Variants in ARSJ observed in about 807,000 individuals in gnomAD.
The protein encoded by ARSJ is arylsulfatase J.
A neutral mutation model predicts 35.9 loss-of-function variants in ARSJ; 26 were observed. The ratio of observed to expected loss-of-function variants is 0.72; its 90% CI spans 0.53 to 1.00. The LOEUF is 1.00. Ranked by LOEUF, ARSJ falls within the 50% of genes least tolerant of loss-of-function variation. ARSJ has a pLI of 0.00. For synonymous variants in ARSJ, 294 were observed against 267.6 expected (o/e 1.10, Z -0.96); for missense variants, 667 against 723.6 (o/e 0.92, Z 0.90).
At chr4:113,942,752 G>A (rs1424023558) in intron 1 of ARSJ, among the ~76,000 whole-genome samples, 1 of 151,982 alleles carries the variant, frequency 6.6e-6, no homozygotes. Flanking sequence ...ATGGAAAAGT[G>A]ATTTTAAAAT....
chr4:113,950,295 C>T (rs1412948291), intron 1 of ARSJ, among the ~76,000 whole-genome samples: 1 of 152,058 alleles, frequency 6.6e-6, no homozygotes, highest in Non-Finnish European at 1.5e-5. Flanking sequence ...TAACCCTCCC[C>T]CTTCCTTTTA....
chr4:113,942,215 C>T (rs755517781), intron 1 of ARSJ, among the ~76,000 whole-genome samples: 54 of 151,900 alleles, frequency 3.6e-4, no homozygotes, highest in Non-Finnish European at 5.9e-5. Context: ...TATAAACTAC[C>T]TTAATAGCAT....
At chr4:113,962,042 A>T (rs1297079061) in intron 1 of ARSJ, among the ~76,000 whole-genome samples, 1 of 151,842 alleles carries the variant, frequency 6.6e-6, no homozygotes, top group Non-Finnish European at 1.5e-5. Context: ...CTTTCTGTTG[A>T]TTTCTTTTAA....
intron 1 of ARSJ, among the ~76,000 whole-genome samples, chr4:113,960,973 GA>G (rs1165125536): frequency 6.6e-6 from 1 of 152,062 alleles, no homozygotes; most frequent in Non-Finnish European, 1.5e-5. Flanking sequence ...CATTGAAAAA[GA>G]GTTTGAAAAA....
chr4:113,920,953 A>T (rs1007883426), intron 1 of ARSJ, among the ~76,000 whole-genome samples: 2 of 152,130 alleles, frequency 1.3e-5, no homozygotes, highest in Non-Finnish European at 2.9e-5. Flanking sequence ...TAATAATAAC[A>T]GACTGGAACA....
At chr4:113,945,401 G>C (rs1214831636) in intron 1 of ARSJ, among the ~76,000 whole-genome samples, 1 of 152,122 alleles carries the variant, frequency 6.6e-6, no homozygotes, top group African/African-American at 2.4e-5. Flanking sequence ...GCCTCCTAAA[G>C]TGCTGGAATT....
chr4:113,949,923 C>T (rs1013214389), intron 1 of ARSJ, among the ~76,000 whole-genome samples: 4 of 152,002 alleles, frequency 2.6e-5, no homozygotes. Flanking sequence ...GTTTGTCTTC[C>T]CCTTAATTTT....
chr4:113,908,134 C>A (rs1177111496), intron 1 of ARSJ, among the ~76,000 whole-genome samples: 1 of 152,050 alleles, frequency 6.6e-6, no homozygotes, highest in Non-Finnish European at 1.5e-5. Flanking sequence ...GGAGACATGA[C>A]AATTAAATGC....
At position 113,976,302 on chromosome 4, in the gene ARSJ, G is replaced by GT. The variant is rs796602670; in HGVS notation, c.398+2134dup. 1.7e-4 allele frequency among the ~76,000 whole-genome samples: 25 copies of GT among 151,236 alleles called. No homozygotes were observed. The South Asian group carries it at 3.4e-3, about 20-fold the overall frequency. On this transcript the variant is annotated intron_variant, in intron 1 of 1. Transcript: ENST00000315366. ...CCTTAAAATAGTTTAGTTCATTTCAGTTTTTTTTTATGGCTTCCTTTTTTA... is the reference window on the plus strand; with the variant it reads ...CCTTAAAATAGTTTAGTTCATTTCAGTTTTTTTTTTATGGCTTCCTTTTTTA...
intron 1 of ARSJ, among the ~76,000 whole-genome samples, chr4:113,952,037 G>A (rs1725893250): frequency 6.6e-6 from 1 of 151,880 alleles, no homozygotes; most frequent in Admixed American, 6.6e-5. Flanking sequence ...CCCGGATTTT[G>A]CATGCTGGAA....
intron 1 of ARSJ, among the ~76,000 whole-genome samples, chr4:113,952,189 CCT>C (rs1307129135): frequency 2.0e-5 from 3 of 152,010 alleles, no homozygotes; most frequent in African/African-American, 7.2e-5. Context: ...CTCATCTCAG[CCT>C]CTCAAGTAGC....
intron 1 of ARSJ, among the ~76,000 whole-genome samples, chr4:113,967,493 T>A (rs187161280): frequency 1.7e-3 from 258 of 152,268 alleles, no homozygotes; most frequent in South Asian, 4.8e-3. Flanking sequence ...AAGAATGGTC[T>A]TTTAAGTTCC....
At chr4:113,949,428 A>G (rs1005027827) in intron 1 of ARSJ, among the ~76,000 whole-genome samples, 1 of 152,076 alleles carries the variant, frequency 6.6e-6, no homozygotes, top group African/African-American at 2.4e-5. Context: ...GGTGAGTACC[A>G]GAGACTATCT....
chr4:113,907,391 A>C (rs554865901), intron 1 of ARSJ, among the ~76,000 whole-genome samples: 8 of 152,222 alleles, frequency 5.3e-5, no homozygotes, highest in Non-Finnish European at 1.2e-4. Context: ...TAAATAGCTT[A>C]GGAATGATTT....
intron 1 of ARSJ, among the ~76,000 whole-genome samples, chr4:113,907,275 A>G (rs535227297): frequency 6.6e-6 from 1 of 152,228 alleles, no homozygotes; most frequent in East Asian, 1.9e-4. Context: ...TTTTTAAAGT[A>G]TGTGATTTGT....
chr4:113,974,677 G>A lies in ARSJ; in HGVS notation c.398+3760C>T, dbSNP rs1382040226. 2.0e-5 allele frequency among the ~76,000 whole-genome samples: 3 copies of A among 152,108 alleles called. No homozygotes were observed. In the East Asian group the frequency reaches 5.8e-4, roughly 29 times the overall value. On this transcript the variant is annotated intron_variant, in intron 1 of 1. Coordinates refer to ENST00000315366, the MANE Select transcript of ARSJ (RefSeq NM_024590.4). The stretch of plus-strand genomic sequence containing the variant: ...ATGAAAAAAGATAATACTAAATGTT[G>A]ACAAAGATGTGAAACAAGTAGAACA...
chr4:113,929,092 A>C (rs1724263990), intron 1 of ARSJ, among the ~76,000 whole-genome samples: 1 of 152,114 alleles, frequency 6.6e-6, no homozygotes, highest in African/African-American at 2.4e-5. Context: ...ATTTAGCCTG[A>C]TCCAACTCTA....
intron 1 of ARSJ, among the ~76,000 whole-genome samples, chr4:113,965,698 AT>A (rs1303849456): frequency 1.3e-5 from 2 of 152,138 alleles, no homozygotes; most frequent in African/African-American, 4.8e-5. Flanking sequence ...TTAAATTGCT[AT>A]TAACAAGACT....
intron 1 of ARSJ, among the ~76,000 whole-genome samples, chr4:113,921,082 TACACACACACACACAC>T (rs746326993): frequency 1.5e-5 from 2 of 129,668 alleles, no homozygotes; most frequent in Non-Finnish European, 3.4e-5. Flanking sequence ...TTCCCTGAAA[TACACACACACACACAC>T]ACACACACAC....
Sources: allele counts gnomAD v4.1 joint callset (sites outside exome capture counted in the v4.1 genomes callset), GRCh38; gene constraint gnomAD v4.1.1; transcripts MANE v1.5; gene names NCBI Gene and HGNC (gene_info 2026-07-23, HGNC 2026-07-21).